ADGRG6: variants seen among roughly 807,000 people sequenced by gnomAD.
The protein encoded by ADGRG6 is adhesion G protein-coupled receptor G6.
In ADGRG6, 84 loss-of-function variants were observed where a neutral mutation model predicts 142.4. The observed-to-expected ratio is 0.59, with a 90% CI of 0.49 to 0.71. ADGRG6 has a LOEUF of 0.71. Ranked by LOEUF, ADGRG6 falls within the 30% of genes least tolerant of loss-of-function variation. ADGRG6 has a pLI of 0.00. For missense variants in ADGRG6, 1,367 were observed against 1,466.6 expected (o/e 0.93, Z 1.11); for synonymous variants, 521 against 520.5 (o/e 1.00, Z -0.01).
chr6:142,413,905 A>ACACACACG (rs1419099967), intron 18 of ADGRG6, among the ~76,000 whole-genome samples: 1 of 131,934 alleles, frequency 7.6e-6, no homozygotes, highest in Non-Finnish European at 1.5e-5. Context: ...TTTATCACAC[A>ACACACACG]CACACACACA....
chr6:142,414,451 A>G (rs745559590), intron 18 of ADGRG6, among the ~76,000 whole-genome samples: 4 of 152,206 alleles, frequency 2.6e-5, no homozygotes, highest in Non-Finnish European at 5.9e-5. Flanking sequence ...TGAAATAACC[A>G]GGGTTAGGAG....
At chr6:142,318,726 G>A (rs909046372) in intron 2 of ADGRG6, among the ~76,000 whole-genome samples, 3 of 151,846 alleles carry the variant, frequency 2.0e-5, no homozygotes, top group African/African-American at 7.3e-5. Flanking sequence ...GGCAGAGAAG[G>A]GAGCAGGGAC....
At chr6:142,310,255 G>T (rs952933638) in intron 2 of ADGRG6, among the ~76,000 whole-genome samples, 3 of 151,700 alleles carry the variant, frequency 2.0e-5, no homozygotes, top group Admixed American at 6.6e-5. Context: ...TCTGTAAACA[G>T]CAAATTATAT....
At chr6:142,316,508 A>G (rs1023084469) in intron 2 of ADGRG6, among the ~76,000 whole-genome samples, 62 of 152,310 alleles carry the variant, frequency 4.1e-4, no homozygotes, top group Non-Finnish European at 4.4e-5. Flanking sequence ...TTGAAGTAAA[A>G]TATAGATCTG....
In ADGRG6 at chr6:142,437,517, C is replaced by A. The variant is rs762950556; in HGVS notation, c.3403C>A (p.Arg1135=). The A allele has an allele frequency of 6.6e-7, 1 of 1,516,062 alleles. No individual in the cohort carries two copies. Among genetic ancestry groups the A allele is most frequent in the East Asian group, 2.3e-5 (1 of 44,378 alleles). The allele number at this position is 1,516,062 out of a possible 1,614,324, so 93.9% of individuals were successfully genotyped here. Residue 1135 remains arginine (R), a synonymous_variant, in exon 23 of 25, where the codon CGG becomes AGG. Coordinates refer to ENST00000367609, the MANE Select transcript of ADGRG6 (RefSeq NM_198569.3). ...GCAGCATCTCTGCTGTGGTAGATTT[C>A]GGTTAGCAGATAACTCAGGTAAAGA... The part of the protein sequence containing the change: ...WRQHLCCGRF[R]LADNSDWSKT...
intron 6 of ADGRG6, among the ~76,000 whole-genome samples, chr6:142,389,045 A>G (rs9496363): frequency 0.014 from 2,104 of 152,134 alleles, 60 homozygotes; most frequent in African/African-American, 0.048. Context: ...TACCCGAAGA[A>G]TTTTAGAAGT....
chr6:142,370,355 C>G lies in ADGRG6; in HGVS notation c.631C>G (p.Gln211Glu), dbSNP rs747090020. The G allele has an allele frequency of 6.2e-7, 1 of 1,613,504 alleles. No homozygotes were observed. The highest frequency in any genetic ancestry group is 8.5e-7 in the Non-Finnish European group (1 of 1,179,486). Residue 211 changes from glutamine (Q) to glutamate (E), a missense_variant, in exon 4 of 25, where the codon CAA becomes GAA. Physicochemically the swap from Gln to Glu is conservative, Grantham distance 29. This residue lies in a region of ADGRG6 where 737 missense variants were observed against 746.5 expected (regional missense o/e 0.99). Transcript: ENST00000367609. ...AFSYSNASFTQLLSFGKAKSG... is the reference protein window; with the variant it reads ...AFSYSNASFTELLSFGKAKSG... ...CTCCTACTCAAATGCATCCTTCACA[C>G]AATTGCTCAGTTTTGGAAAGGCCAA... is the stretch of plus-strand genomic sequence containing the variant.
intron 2 of ADGRG6, 61 bp from the exon 3 acceptor site, chr6:142,367,508 G>C (rs780706631): frequency 5.1e-6 from 6 of 1,170,520 alleles, no homozygotes. Context: ...TGGTATTCTC[G>C]GTTTATTGCA....
At position 142,367,736 on chromosome 6, in the gene ADGRG6, G is replaced by A; in HGVS notation, c.271G>A (p.Ala91Thr). Residue 91 changes from alanine (A) to threonine (T), a missense_variant, in exon 3 of 25, where the codon GCT becomes ACT. Transcript: ENST00000367609. ...ATTTAACGACTTTGACATTGAAGAA[G>A]CTCCCAATTGCATTTATGACTCATT... ...ITFNDFDIEE[A>T]PNCIYDSLSL... is the part of the protein sequence containing the mutation. The A allele has an allele frequency of 6.2e-7, 1 of 1,613,896 alleles. No homozygotes were observed. Among genetic ancestry groups the A allele is most frequent in the Non-Finnish European group, 8.5e-7 (1 of 1,179,850 alleles).
intron 4 of ADGRG6, among the ~76,000 whole-genome samples, chr6:142,373,523 A>G (rs1240210301): frequency 6.6e-6 from 1 of 152,214 alleles, no homozygotes; most frequent in Non-Finnish European, 1.5e-5. Flanking sequence ...AGGGCCTGTA[A>G]CAGGCCATGC....
intron 17 of ADGRG6, 105 bp from the exon 18 acceptor site, chr6:142,411,198 CTG>C: frequency 1.5e-6 from 1 of 685,232 alleles, no homozygotes. Flanking sequence ...CAGATAAACT[CTG>C]TATGGCAGAA....
rs116281339 is a variant in ADGRG6 at position 142,365,715 on chromosome 6, A to G, written c.104-1854A>G. On this transcript the variant is annotated intron_variant, in intron 2 of 24. Transcript: ENST00000367609. ...GGAAGAGCAGGAGGAGGGCAAGTTA[A>G]AAAGAATGGATGGAGACAGAGTTGG... Among the ~76,000 whole-genome samples the G allele has an allele frequency of 5.3e-3, 809 of 152,258 alleles. 7 individuals carry two copies. Among genetic ancestry groups the G allele is most frequent in the African/African-American group, 0.018 (748 of 41,552 alleles).
chr6:142,441,875 T>C (rs955436079), intron 24 of ADGRG6, among the ~76,000 whole-genome samples: 17 of 152,178 alleles, frequency 1.1e-4, no homozygotes, highest in African/African-American at 3.6e-4. Flanking sequence ...CTTGCCGACA[T>C]TGGAAAATGC....
chr6:142,413,567 A>G (rs966881998), intron 18 of ADGRG6, among the ~76,000 whole-genome samples: 4 of 152,118 alleles, frequency 2.6e-5, no homozygotes, highest in African/African-American at 9.7e-5. Flanking sequence ...GTGATTTGCA[A>G]GTCATAGGTT....
chr6:142,440,498 C>T (rs1777702635), intron 24 of ADGRG6, among the ~76,000 whole-genome samples: 1 of 151,952 alleles, frequency 6.6e-6, no homozygotes, highest in East Asian at 1.9e-4. Context: ...GTCTCATCAT[C>T]TTACCCAGGC....
chr6:142,307,826 C>T (rs1029388859), intron 1 of ADGRG6, among the ~76,000 whole-genome samples: 1 of 151,946 alleles, frequency 6.6e-6, no homozygotes, highest in African/African-American at 2.4e-5. Context: ...AAATCTTAAC[C>T]TTTTCCTGGT....
chr6:142,391,434 TACAC>T (rs35253608), intron 7 of ADGRG6, among the ~76,000 whole-genome samples: 12,939 of 132,282 alleles, frequency 0.098, 1,145 homozygotes, highest in African/African-American at 0.24. Flanking sequence ...AAGTGGTAGC[TACAC>T]ACACACACAC....
chr6:142,313,881 C>G (rs1033897634), intron 2 of ADGRG6, among the ~76,000 whole-genome samples: 1 of 151,766 alleles, frequency 6.6e-6, no homozygotes, highest in African/African-American at 2.4e-5. Context: ...ATGAATGTCC[C>G]CTTTTTAAAA....
intron 2 of ADGRG6, among the ~76,000 whole-genome samples, chr6:142,342,055 C>T (rs997386931): frequency 2.0e-5 from 3 of 152,006 alleles, no homozygotes; most frequent in African/African-American, 7.3e-5. Context: ...AAATGCCCAT[C>T]GTTTCAGCAT....
Sources: gnomAD v4.1 joint callset for allele counts (sites outside exome capture counted in the v4.1 genomes callset) on GRCh38, gnomAD v4.1.1 for gene constraint, gnomAD v4.1.1 regional missense constraint, MANE v1.5 for transcripts, NCBI Gene and HGNC (gene_info 2026-07-23, HGNC 2026-07-21) for gene names.